The following SRGAP3 variants were observed in gnomAD, a reference collection of about 807,000 sequenced individuals.
SRGAP3 encodes SLIT-ROBO Rho GTPase activating protein 3, also known as SLIT-ROBO Rho GTPase-activating protein 3.
SRGAP3 carries 39 observed loss-of-function variants against 121.1 expected under a neutral mutation model. That is an observed-to-expected ratio of 0.32 (90% CI 0.25 to 0.42). SRGAP3 has a LOEUF of 0.42. Ranked by LOEUF, SRGAP3 falls within the 10% of genes least tolerant of loss-of-function variation. SRGAP3 has a pLI of 1.00. For synonymous variants in SRGAP3, 601 were observed against 570.0 expected (o/e 1.05, Z -0.77); for missense variants, 1,213 against 1,470.6 (o/e 0.82, Z 2.86).
In SRGAP3 at chr3:9,064,626, A is replaced by C. The variant is rs372029389; in HGVS notation, c.487-45T>G. On this transcript the variant is annotated intron_variant, in intron 4 of 21. Coordinates refer to ENST00000383836, the MANE Select transcript of SRGAP3 (RefSeq NM_014850.4). ...GGAAATCAGCAGCCAGCTATGGCCC[A>C]GCACGGCCCTCCCTGTTACTCCTGG... 21 of 1,610,942 alleles carry C rather than the reference A, an allele frequency of 1.3e-5. No homozygotes were observed. In the African/African-American group the frequency reaches 1.9e-4, roughly 14 times the overall value.
At chr3:9,019,303 C>A (rs766509320) in intron 14 of SRGAP3, among the ~76,000 whole-genome samples, 8 of 152,208 alleles carry the variant, frequency 5.3e-5, no homozygotes, top group Non-Finnish European at 1.0e-4. Context: ...GGGGCTATGC[C>A]ATTTTATATT....
chr3:9,260,660 T>C (rs1011368232), intron 3 of SRGAP3, among the ~76,000 whole-genome samples: 3 of 152,234 alleles, frequency 2.0e-5, no homozygotes, highest in Non-Finnish European at 2.9e-5. Context: ...CAGCGGCTTA[T>C]AGATACAATT....
chr3:9,268,480 T>C (rs921864235), intron 3 of SRGAP3, among the ~76,000 whole-genome samples: 1 of 152,186 alleles, frequency 6.6e-6, no homozygotes, highest in Non-Finnish European at 1.5e-5. Context: ...AAAAGAAATG[T>C]CTGCTGTTTA....
At chr3:9,295,898 C>G (rs1180159550) in intron 3 of SRGAP3, among the ~76,000 whole-genome samples, 1 of 152,132 alleles carries the variant, frequency 6.6e-6, no homozygotes, top group Non-Finnish European at 1.5e-5. Context: ...TATACATATA[C>G]CCTTTTGTAC....
intron 15 of SRGAP3, 111 bp from the exon 16 acceptor site, chr3:9,013,953 C>CT (rs1270097992): frequency 9.4e-6 from 9 of 953,296 alleles, no homozygotes; most frequent in African/African-American, 3.2e-5. Context: ...GGAGCCAGCT[C>CT]TACTCTTGAT....
At chr3:9,002,561 G>A (rs1942831463) in intron 18 of SRGAP3, among the ~76,000 whole-genome samples, 1 of 152,030 alleles carries the variant, frequency 6.6e-6, no homozygotes, top group Non-Finnish European at 1.5e-5. Context: ...TAAACCTAGA[G>A]CTAGCAGAAG....
At chr3:9,056,095 T>C in intron 8 of SRGAP3, 138 bp downstream of exon 8, 2 of 745,656 alleles carry the variant, frequency 2.7e-6, no homozygotes, top group Admixed American at 2.0e-5. Context: ...TTGGTGTGTG[T>C]GGTTTTAATG....
At chr3:9,168,087 G>A (rs573840092) in intron 1 of SRGAP3, among the ~76,000 whole-genome samples, 6 of 152,288 alleles carry the variant, frequency 3.9e-5, no homozygotes, top group Non-Finnish European at 7.3e-5. Context: ...AAGGAAACCC[G>A]GAGAGGTTAA....
intron 2 of SRGAP3, among the ~76,000 whole-genome samples, chr3:9,106,825 A>G (rs1202991616): frequency 6.6e-6 from 1 of 151,888 alleles, no homozygotes; most frequent in Non-Finnish European, 1.5e-5. Flanking sequence ...GTGAAAATGG[A>G]CTAATACAGC....
chr3:9,123,533 C>T (rs1949100419), intron 2 of SRGAP3, among the ~76,000 whole-genome samples: 1 of 151,802 alleles, frequency 6.6e-6, no homozygotes, highest in African/African-American at 2.4e-5. Context: ...ATGGTGAAAC[C>T]CCATCTCTAC....
intron 18 of SRGAP3, among the ~76,000 whole-genome samples, chr3:9,000,196 G>C (rs892465041): frequency 1.3e-5 from 2 of 152,348 alleles, no homozygotes; most frequent in Non-Finnish European, 2.9e-5. Flanking sequence ...CTGAGGCTAA[G>C]TCCCAGGTGA....
intron 6 of SRGAP3, chr3:9,058,760 C>T (rs1945972609): frequency 2.7e-6 from 1 of 368,916 alleles, no homozygotes; most frequent in Admixed American, 4.8e-5. Flanking sequence ...AGCTCTGTCA[C>T]TTAGGCTGGA....
At chr3:9,287,766 T>A (rs1343334428) in intron 3 of SRGAP3, among the ~76,000 whole-genome samples, 14 of 152,302 alleles carry the variant, frequency 9.2e-5, no homozygotes, top group Middle Eastern at 3.4e-3. Flanking sequence ...AAAATTTTAA[T>A]TTTTTTAAGA....
At chr3:9,178,389 G>A in intron 1 of SRGAP3, among the ~76,000 whole-genome samples, 1 of 152,210 alleles carries the variant, frequency 6.6e-6, no homozygotes, top group East Asian at 1.9e-4. Flanking sequence ...ACTGAGAAAT[G>A]GAAAGAGACA....
intron 1 of SRGAP3, among the ~76,000 whole-genome samples, chr3:9,136,257 C>G (rs898671509): frequency 1.3e-5 from 2 of 152,234 alleles, no homozygotes; most frequent in Non-Finnish European, 2.9e-5. Context: ...CTCCTAGCCT[C>G]CTGTACACCG....
chr3:9,172,118 G>T lies in SRGAP3; in HGVS notation c.68-47201C>A, dbSNP rs375142701. 1.3e-4 allele frequency among the ~76,000 whole-genome samples: 19 copies of T among 143,464 alleles called. 1 individual carries two copies. The highest frequency in any genetic ancestry group is 1.1e-3 in the Admixed American group (16 of 14,180). 94.1% of individuals were successfully genotyped at this position (143,464 alleles called of 152,430 possible). Reference sequence around the variant, plus strand: ...CTTTTTTTTTTTTTTTTTTGAGACAGGGTCTCGCTCTGTTGCCTAGGCTGG... The same window carrying T: ...CTTTTTTTTTTTTTTTTTTGAGACATGGTCTCGCTCTGTTGCCTAGGCTGG... On this transcript the variant is annotated intron_variant, in intron 1 of 21. Transcript: ENST00000383836.
chr3:9,135,775 GCATGCA>G (rs1176120633), intron 1 of SRGAP3, among the ~76,000 whole-genome samples: 1 of 152,250 alleles, frequency 6.6e-6, no homozygotes, highest in Non-Finnish European at 1.5e-5. Context: ...CAGCGGAAGG[GCATGCA>G]CTCACAAGCT....
At chr3:9,007,468 C>G (rs79829771) in intron 18 of SRGAP3, 1 of 152,198 alleles carries the variant, frequency 6.6e-6, no homozygotes, top group Non-Finnish European at 1.5e-5. Context: ...ATTGATGATC[C>G]CCTAAATGAA....
rs940937711 is a variant in SRGAP3, at chr3:9,210,596, G to A, written c.67+38289C>T. On this transcript the variant is annotated intron_variant, in intron 1 of 21. Coordinates refer to ENST00000383836, the MANE Select transcript of SRGAP3 (RefSeq NM_014850.4). ...TCCCAGCACTTTGGGAGGCTGAGGC[G>A]GGCAGATCACATGAGGTCAGGAGCT... Among the ~76,000 whole-genome samples, 5 of 152,210 alleles carry A rather than the reference G, an allele frequency of 3.3e-5. No homozygotes were observed. The East Asian group carries it at 7.7e-4, about 24-fold the overall frequency.
Sources: gnomAD v4.1 joint callset for allele counts (sites outside exome capture counted in the v4.1 genomes callset) on GRCh38, gnomAD v4.1.1 for gene constraint, MANE v1.5 for transcripts, NCBI Gene and HGNC (gene_info 2026-07-23, HGNC 2026-07-21) for gene names.